RHBDD1: variants seen among roughly 807,000 people sequenced by gnomAD.
RHBDD1 encodes the protein rhomboid domain containing 1, also known as rhomboid-related protein 4.
In RHBDD1, 38 loss-of-function variants were observed where a neutral mutation model predicts 36.3. The observed-to-expected ratio is 1.05, with a 90% CI of 0.81 to 1.37. The LOEUF is 1.37. Among genes scored for constraint, RHBDD1 ranks in the 40% most tolerant of loss-of-function variants. RHBDD1 has a pLI of 0.00. For synonymous variants in RHBDD1, 151 were observed against 136.5 expected (o/e 1.11, Z -0.74); for missense variants, 393 against 377.6 (o/e 1.04, Z -0.34).
intron 8 of RHBDD1, among the ~76,000 whole-genome samples, chr2:226,967,213 T>A (rs1477342880): frequency 6.6e-6 from 1 of 152,172 alleles, no homozygotes; most frequent in African/African-American, 2.4e-5. Context: ...AGTCAGGATC[T>A]CCCAAGTGTA....
At chr2:226,835,797 C>T (rs570440029), upstream of RHBDD1, 22 of 152,436 alleles carry the variant, frequency 1.4e-4, no homozygotes, top group African/African-American at 5.0e-4. Context: ...CCACATTTCA[C>T]ATGGAGCTTA....
At chr2:226,803,520 G>C in the RHBDD1 span, among the ~76,000 whole-genome samples, 4 of 152,128 alleles carry the variant, frequency 2.6e-5, no homozygotes, top group Non-Finnish European at 1.5e-5. Flanking sequence ...TTAGGCACTA[G>C]GCTGGACACT....
chr2:226,975,671 A>G (rs931913197), intron 8 of RHBDD1, among the ~76,000 whole-genome samples: 1 of 152,244 alleles, frequency 6.6e-6, no homozygotes, highest in African/African-American at 2.4e-5. Flanking sequence ...CTACATGCAG[A>G]AGGAACTCAT....
the RHBDD1 span, among the ~76,000 whole-genome samples, chr2:226,802,653 G>C: frequency 9.2e-5 from 14 of 152,284 alleles, no homozygotes; most frequent in Admixed American, 2.6e-4. Flanking sequence ...GAAAATTCAC[G>C]GAACAGAAGA....
intron 8 of RHBDD1, among the ~76,000 whole-genome samples, chr2:226,941,419 G>A (rs151079907): frequency 1.1e-4 from 16 of 152,354 alleles, no homozygotes; most frequent in African/African-American, 3.6e-4. Flanking sequence ...CTTTGGAGGT[G>A]TAGGAGACAA....
rs1399168120 is a variant in RHBDD1, at chr2:226,908,844, T to C, written c.678T>C (p.Gly226=). 6.2e-7 allele frequency: 1 copy of C among 1,608,616 alleles called. No homozygotes were observed. Among genetic ancestry groups the C allele is most frequent in the South Asian group, 1.1e-5 (1 of 90,956 alleles). Residue 226 remains glycine (G), a synonymous_variant, in exon 7 of 9, where the codon GGT becomes GGC. Transcript: ENST00000392062. ...TAGGCGGTTTTTCCTCCAGTGTTGG[T>C]TACCCAGGACGGCAATACTACTTTA... ...ACAGGFSSSV[G]YPGRQYYFNS...
At chr2:226,802,523 T>A in the RHBDD1 span, among the ~76,000 whole-genome samples, 1 of 152,226 alleles carries the variant, frequency 6.6e-6, no homozygotes, top group Admixed American at 6.5e-5. Context: ...AAGAGACGCG[T>A]TTGTGGGAAC....
intron 3 of RHBDD1, among the ~76,000 whole-genome samples, chr2:226,841,803 T>C (rs1014069904): frequency 6.6e-6 from 1 of 152,198 alleles, no homozygotes; most frequent in Admixed American, 6.5e-5. Flanking sequence ...TTCCTTTGGG[T>C]ATATACCCAG....
chr2:226,808,411 G>C, the RHBDD1 span: 2 of 152,220 alleles, frequency 1.3e-5, no homozygotes, highest in Non-Finnish European at 1.5e-5. Flanking sequence ...CAGGAATTCA[G>C]ACAGGGCACA....
intron 8 of RHBDD1, among the ~76,000 whole-genome samples, chr2:226,956,212 T>C (rs1389181119): frequency 6.6e-6 from 1 of 152,114 alleles, no homozygotes; most frequent in Non-Finnish European, 1.5e-5. Flanking sequence ...TGGGACTTGC[T>C]CAACTTGCTC....
intron 6 of RHBDD1, chr2:226,907,085 AT>A (rs1203795734): frequency 2.2e-5 from 14 of 626,538 alleles, no homozygotes; most frequent in Non-Finnish European, 2.8e-5. Flanking sequence ...TAAATTTCGA[AT>A]CTGATACTTT....
At chr2:226,818,152 ATTTTTT>A in the RHBDD1 span, among the ~76,000 whole-genome samples, 2,891 of 86,272 alleles carry the variant, frequency 0.034, 87 homozygotes, top group African/African-American at 0.12. Context: ...TCCAAACAGT[ATTTTTT>A]TTTTTTTTTT....
rs1290621457 is a variant in RHBDD1 at position 226,970,066 on chromosome 2, C to A, written c.857-25365C>A. ...CACATCGTCATCCCAGCCCTCTCCC[C>A]CCGCATTCCTTAAATGGTTGTCCAT... On this transcript the variant is annotated intron_variant, in intron 8 of 8. Coordinates refer to ENST00000392062, the MANE Select transcript of RHBDD1 (RefSeq NM_001167608.3). 2.0e-5 allele frequency among the ~76,000 whole-genome samples: 3 copies of A among 147,510 alleles called. No individual in the cohort carries two copies. The South Asian group carries it at 6.5e-4, about 32-fold the overall frequency.
intron 3 of RHBDD1, among the ~76,000 whole-genome samples, chr2:226,847,723 A>G (rs1362485667): frequency 6.6e-6 from 1 of 152,272 alleles, no homozygotes; most frequent in Non-Finnish European, 1.5e-5. Flanking sequence ...TGCAAACGTC[A>G]TTCTACAAAG....
At chr2:226,859,409 G>A (rs1319915829) in intron 3 of RHBDD1, among the ~76,000 whole-genome samples, 1 of 152,196 alleles carries the variant, frequency 6.6e-6, no homozygotes, top group African/African-American at 2.4e-5. Flanking sequence ...AAGTATATGG[G>A]AGGGTGTTCA....
intron 3 of RHBDD1, among the ~76,000 whole-genome samples, chr2:226,857,616 A>G (rs1334433403): frequency 6.6e-6 from 1 of 152,220 alleles, no homozygotes. Context: ...CAAAGTATCG[A>G]TAATTGCTAC....
intron 8 of RHBDD1, among the ~76,000 whole-genome samples, chr2:226,932,064 A>C (rs1053202690): frequency 2.0e-5 from 3 of 152,122 alleles, no homozygotes; most frequent in Admixed American, 6.6e-5. Context: ...ATTTATACCT[A>C]AGTATTTTAT....
At chr2:226,822,557 C>T in the RHBDD1 span, among the ~76,000 whole-genome samples, 1 of 149,166 alleles carries the variant, frequency 6.7e-6, no homozygotes, top group Non-Finnish European at 1.5e-5. Flanking sequence ...ATCGCTTGAA[C>T]TGGTGGGCTG....
intron 5 of RHBDD1, among the ~76,000 whole-genome samples, chr2:226,902,924 G>A (rs1445968625): frequency 6.6e-6 from 1 of 152,144 alleles, no homozygotes; most frequent in Non-Finnish European, 1.5e-5. Flanking sequence ...TGAGATTCAA[G>A]ATTAATTGTT....
Sources: gnomAD v4.1 joint callset for allele counts (sites outside exome capture counted in the v4.1 genomes callset) on GRCh38, gnomAD v4.1.1 for gene constraint, MANE v1.5 for transcripts, NCBI Gene and HGNC (gene_info 2026-07-23, HGNC 2026-07-21) for gene names.